The following NKAIN2 variants were observed in gnomAD, a reference collection of about 807,000 sequenced individuals.
The protein encoded by NKAIN2 is sodium/potassium-transporting ATPase subunit beta-1-interacting protein 2.
Under a neutral mutation model 32.6 loss-of-function variants are expected in NKAIN2, and 14 were observed. The ratio of observed to expected loss-of-function variants is 0.43; its 90% CI spans 0.28 to 0.67. The LOEUF (loss-of-function observed/expected upper bound fraction) is 0.67, where lower values mean the gene tolerates loss of function less well. Among genes scored for constraint, NKAIN2 ranks in the 30% least tolerant of loss-of-function variants. The pLI is 0.17. For synonymous variants in NKAIN2, 80 were observed against 87.2 expected, an observed-to-expected ratio of 0.92 and a Z score of 0.46; for missense variants, 198 against 258.3, an observed-to-expected ratio of 0.77 and a Z score of 1.60.
chr6:124,108,262 A>G (rs776018761), intron 1 of NKAIN2, among the ~76,000 whole-genome samples: 18 of 152,100 alleles, frequency 1.2e-4, no homozygotes, highest in Non-Finnish European at 2.2e-4. Flanking sequence ...ACCTTTCCTG[A>G]TGATTAGTGA....
chr6:123,847,139 G>T (rs1775128076), intron 1 of NKAIN2, among the ~76,000 whole-genome samples: 1 of 152,188 alleles, frequency 6.6e-6, no homozygotes. Context: ...ATCCACAGTA[G>T]TGAACACGTG....
At chr6:124,393,249 A>G (rs770231228) in intron 3 of NKAIN2, among the ~76,000 whole-genome samples, 7 of 152,142 alleles carry the variant, frequency 4.6e-5, no homozygotes, top group Non-Finnish European at 7.3e-5. Context: ...AAAATACTAC[A>G]GAGATATTCA....
intron 4 of NKAIN2, among the ~76,000 whole-genome samples, chr6:124,704,152 T>G (rs1177895685): frequency 6.6e-6 from 1 of 151,772 alleles, no homozygotes; most frequent in Non-Finnish European, 1.5e-5. Context: ...ACACATTGAT[T>G]GAGAGAAAAA....
intron 3 of NKAIN2, among the ~76,000 whole-genome samples, chr6:124,576,114 A>C (rs1451112269): frequency 6.6e-6 from 1 of 152,230 alleles, no homozygotes; most frequent in Non-Finnish European, 1.5e-5. Context: ...TACTGATTTT[A>C]TTAAATTTCA....
intron 3 of NKAIN2, among the ~76,000 whole-genome samples, chr6:124,446,746 G>C (rs1349809727): frequency 6.6e-6 from 1 of 152,084 alleles, no homozygotes; most frequent in African/African-American, 2.4e-5. Flanking sequence ...TCATTACTAT[G>C]TATGTGATAA....
At chr6:124,663,720 G>A (rs1029032867) in intron 4 of NKAIN2, among the ~76,000 whole-genome samples, 5 of 152,130 alleles carry the variant, frequency 3.3e-5, no homozygotes, top group Non-Finnish European at 5.9e-5. Context: ...AGAAATTACT[G>A]TTGCAAATTG....
At chr6:123,866,722 GC>G (rs1355685509) in intron 1 of NKAIN2, among the ~76,000 whole-genome samples, 2 of 152,100 alleles carry the variant, frequency 1.3e-5, no homozygotes, top group African/African-American at 4.8e-5. Context: ...GAGCCACCGC[GC>G]CCGGCCCACA....
At chr6:124,526,563 T>C (rs1389963663) in intron 3 of NKAIN2, among the ~76,000 whole-genome samples, 2 of 151,820 alleles carry the variant, frequency 1.3e-5, no homozygotes, top group African/African-American at 4.8e-5. Context: ...AAAAAGATAA[T>C]AGAACTTAAT....
chr6:124,236,375 C>T (rs904105673), intron 1 of NKAIN2, among the ~76,000 whole-genome samples: 2 of 152,050 alleles, frequency 1.3e-5, no homozygotes, highest in South Asian at 2.1e-4. Flanking sequence ...GGGTCGGAGC[C>T]CATACACTTG....
At chr6:124,301,145 C>G (rs1796277037) in intron 2 of NKAIN2, among the ~76,000 whole-genome samples, 1 of 152,150 alleles carries the variant, frequency 6.6e-6, no homozygotes, top group Non-Finnish European at 1.5e-5. Flanking sequence ...GGACTTGCTG[C>G]CCTACATCCT....
chr6:124,094,044 A>T (rs974421337), intron 1 of NKAIN2, among the ~76,000 whole-genome samples: 1 of 152,210 alleles, frequency 6.6e-6, no homozygotes, highest in African/African-American at 2.4e-5. Context: ...GTGGCGTCTG[A>T]ACAGAGCTAT....
intron 3 of NKAIN2, among the ~76,000 whole-genome samples, chr6:124,366,401 C>T (rs1172201776): frequency 1.3e-5 from 2 of 152,000 alleles, no homozygotes; most frequent in South Asian, 2.1e-4. Flanking sequence ...AATCTGAAGA[C>T]CTTTTTATTC....
At chr6:124,087,142 C>T (rs919058815) in intron 1 of NKAIN2, among the ~76,000 whole-genome samples, 1 of 151,824 alleles carries the variant, frequency 6.6e-6, no homozygotes. Context: ...TTAATGTAAA[C>T]CTTTATATCA....
intron 1 of NKAIN2, among the ~76,000 whole-genome samples, chr6:123,938,997 G>A (rs1427378602): frequency 6.6e-6 from 1 of 151,894 alleles, no homozygotes; most frequent in African/African-American, 2.4e-5. Context: ...TTAAGAATCA[G>A]GCAATGATTC....
chr6:124,817,344 A>T (rs898947092), intron 5 of NKAIN2, among the ~76,000 whole-genome samples: 2 of 152,072 alleles, frequency 1.3e-5, no homozygotes, highest in Non-Finnish European at 2.9e-5. Context: ...AAGCCAAAAG[A>T]CTGGACACCC....
chr6:124,075,290 A>G (rs1021645435), intron 1 of NKAIN2, among the ~76,000 whole-genome samples: 2 of 152,186 alleles, frequency 1.3e-5, no homozygotes, highest in Non-Finnish European at 2.9e-5. Flanking sequence ...GTAGATTTTC[A>G]TGCAACTATA....
intron 1 of NKAIN2, among the ~76,000 whole-genome samples, chr6:123,815,279 T>C (rs1409870121): frequency 6.6e-6 from 1 of 152,206 alleles, no homozygotes; most frequent in Non-Finnish European, 1.5e-5. Context: ...TTGTGTACTA[T>C]AAAATCACAT....
chr6:123,929,553 G>A (rs1281739990), intron 1 of NKAIN2, among the ~76,000 whole-genome samples: 1 of 152,064 alleles, frequency 6.6e-6, no homozygotes, highest in Non-Finnish European at 1.5e-5. Flanking sequence ...CTTAAACCAA[G>A]TCAATGTTCT....
intron 1 of NKAIN2, among the ~76,000 whole-genome samples, chr6:123,968,743 T>C (rs1336242551): frequency 1.3e-5 from 2 of 152,224 alleles, no homozygotes; most frequent in African/African-American, 4.8e-5. Flanking sequence ...TCTTTCTCTC[T>C]GGAATGCCCC....
Sources: gnomAD v4.1 joint callset for allele counts (sites outside exome capture counted in the v4.1 genomes callset) on GRCh38, gnomAD v4.1.1 for gene constraint, MANE v1.5 for transcripts, NCBI Gene and HGNC (gene_info 2026-07-23, HGNC 2026-07-21) for gene names.